SLC35F3: variants seen among roughly 807,000 people sequenced by gnomAD.
The protein encoded by SLC35F3 is putative thiamine transporter SLC35F3.
A neutral mutation model predicts 49.9 loss-of-function variants in SLC35F3; 25 were observed. That is an observed-to-expected ratio of 0.50 (90% CI 0.37 to 0.70). The LOEUF (loss-of-function observed/expected upper bound fraction) is 0.70. SLC35F3 is among the 30% of genes least tolerant of loss of function. The probability of loss-of-function intolerance (pLI) is 0.00; values close to 1 mark genes in which losing one functional copy is unlikely to be tolerated. For synonymous variants in SLC35F3, 275 were observed against 265.4 expected (o/e 1.04, Z -0.35); for missense variants, 525 against 639.8 (o/e 0.82, Z 1.94).
At chr1:233,966,697 A>G (rs1349910215) in intron 2 of SLC35F3, among the ~76,000 whole-genome samples, 3 of 152,264 alleles carry the variant, frequency 2.0e-5, no homozygotes, top group African/African-American at 7.2e-5. Flanking sequence ...GAACTCATTC[A>G]TTTAAAGAAC....
Position 234,196,404 on chromosome 1 carries a change from G to A in SLC35F3, c.284-35013G>A, listed in dbSNP as rs565538866. ...GAGCAGTACCTCTGCTGCTGCTGCT[G>A]CTGTACACTCTGCCACTAAAATAAA... is the stretch of plus-strand genomic sequence containing the variant. On this transcript the variant is annotated intron_variant, in intron 2 of 7. Transcript: ENST00000366618. 2.6e-5 allele frequency among the ~76,000 whole-genome samples: 4 copies of A among 152,342 alleles called. No homozygotes were observed. The South Asian group carries it at 8.3e-4, about 32-fold the overall frequency.
intron 2 of SLC35F3, among the ~76,000 whole-genome samples, chr1:234,155,416 T>G (rs9435577): frequency 8.5e-6 from 1 of 117,360 alleles, no homozygotes; most frequent in African/African-American, 3.7e-5. Flanking sequence ...TTATTATTAT[T>G]ATTATTTTTG....
At chr1:233,908,536 C>CTTTTT (rs898041195) in intron 2 of SLC35F3, among the ~76,000 whole-genome samples, 74 of 84,888 alleles carry the variant, frequency 8.7e-4, no homozygotes, top group Non-Finnish European at 1.3e-3. Context: ...GTAAAGGATT[C>CTTTTT]TTTTTTTTTT....
At chr1:233,917,068 G>C (rs1477656210) in intron 2 of SLC35F3, among the ~76,000 whole-genome samples, 1 of 152,158 alleles carries the variant, frequency 6.6e-6, no homozygotes, top group Non-Finnish European at 1.5e-5. Context: ...TGGTATGGTT[G>C]TTATTTCCTA....
At chr1:234,135,042 C>T (rs1169224183) in intron 2 of SLC35F3, among the ~76,000 whole-genome samples, 2 of 152,160 alleles carry the variant, frequency 1.3e-5, no homozygotes, top group Non-Finnish European at 2.9e-5. Flanking sequence ...TTCTAATTTG[C>T]ATCCCAGGCA....
At chr1:234,044,915 G>C (rs1368401226) in intron 2 of SLC35F3, among the ~76,000 whole-genome samples, 2 of 152,132 alleles carry the variant, frequency 1.3e-5, no homozygotes, top group African/African-American at 4.8e-5. Flanking sequence ...GTCTCTGGAG[G>C]CCAACCGGTT....
intron 2 of SLC35F3, among the ~76,000 whole-genome samples, chr1:234,008,617 G>A (rs1159130356): frequency 6.6e-6 from 1 of 152,182 alleles, no homozygotes; most frequent in East Asian, 1.9e-4. Context: ...TGCTACCCTT[G>A]TTCAGGCTTA....
rs534645203 is a variant in SLC35F3, at chr1:234,275,003, A to G, written c.609-34098A>G. Among the ~76,000 whole-genome samples, 12 of 152,240 alleles carry G rather than the reference A, an allele frequency of 7.9e-5. No individual in the cohort carries two copies. The South Asian group carries it at 2.5e-3, about 32-fold the overall frequency. The stretch of plus-strand genomic sequence containing the variant: ...CCCACCCACTCCTATTCTATTCCAG[A>G]CCCTCACCACCTTGTGACATATATT... On this transcript the variant is annotated intron_variant, in intron 3 of 7. Transcript: ENST00000366618.
At chr1:234,128,120 C>T (rs1190521047) in intron 2 of SLC35F3, among the ~76,000 whole-genome samples, 2 of 151,996 alleles carry the variant, frequency 1.3e-5, no homozygotes, top group East Asian at 1.9e-4. Context: ...GGCATTAAGA[C>T]CATAAGGAAG....
At chr1:233,965,311 C>A (rs1662885977) in intron 2 of SLC35F3, among the ~76,000 whole-genome samples, 1 of 152,064 alleles carries the variant, frequency 6.6e-6, no homozygotes, top group African/African-American at 2.4e-5. Flanking sequence ...AAATAGCTAC[C>A]CCAGGCTTAC....
At chr1:234,218,267 A>G (rs1470106232) in intron 2 of SLC35F3, among the ~76,000 whole-genome samples, 1 of 152,184 alleles carries the variant, frequency 6.6e-6, no homozygotes, top group Non-Finnish European at 1.5e-5. Flanking sequence ...GGGATTAATC[A>G]TTGAGAACAG....
chr1:234,083,116 T>C (rs1375804962), intron 2 of SLC35F3, among the ~76,000 whole-genome samples: 2 of 152,220 alleles, frequency 1.3e-5, no homozygotes, highest in African/African-American at 4.8e-5. Flanking sequence ...TCTTTCTTAA[T>C]TCTAGGCAAA....
At chr1:234,283,087 A>G (rs1247446534) in intron 3 of SLC35F3, among the ~76,000 whole-genome samples, 1 of 152,216 alleles carries the variant, frequency 6.6e-6, no homozygotes, top group African/African-American at 2.4e-5. Context: ...TTGAGTGAGC[A>G]CATGAGTAGC....
intron 2 of SLC35F3, among the ~76,000 whole-genome samples, chr1:234,127,531 G>A (rs1286293919): frequency 2.0e-5 from 3 of 152,160 alleles, no homozygotes; most frequent in Non-Finnish European, 4.4e-5. Context: ...AAATAATGCT[G>A]TCATTCGATG....
intron 2 of SLC35F3, among the ~76,000 whole-genome samples, chr1:234,153,429 C>T (rs754152076): frequency 1.1e-4 from 16 of 152,062 alleles, no homozygotes; most frequent in Admixed American, 3.3e-4. Flanking sequence ...GGCAACATAG[C>T]GAGACTCTCA....
rs1467674767 is a variant in SLC35F3, at chr1:233,905,747, C to A, written c.272C>A (p.Ala91Glu). Residue 91 changes from alanine to glutamate, a missense_variant, in exon 2 of 8, where the codon GCG becomes GAG. Coordinates refer to ENST00000366618, the MANE Select transcript of SLC35F3 (RefSeq NM_173508.4). Reference protein sequence around the residue: ...TGYYGYQPWAASCKREERPRD... With the variant: ...TGYYGYQPWAESCKREERPRD... The stretch of plus-strand genomic sequence containing the variant: ...TACTATGGCTACCAGCCCTGGGCAG[C>A]GAGCTGCAAAAGTAAGACCCCCTCA... The A allele has an allele frequency of 6.2e-7, 1 of 1,610,682 alleles. No individual in the cohort carries two copies. Among genetic ancestry groups the A allele is most frequent in the African/African-American group, 1.3e-5 (1 of 74,972 alleles).
chr1:234,290,310 A>G (rs1010641735), intron 3 of SLC35F3, among the ~76,000 whole-genome samples: 1 of 152,246 alleles, frequency 6.6e-6, no homozygotes. Flanking sequence ...AAGAATAATC[A>G]CAAGAAAAAA....
At chr1:233,920,960 G>A (rs1004988263) in intron 2 of SLC35F3, among the ~76,000 whole-genome samples, 20 of 152,210 alleles carry the variant, frequency 1.3e-4, no homozygotes, top group Non-Finnish European at 2.9e-5. Flanking sequence ...CTTTCTTGAT[G>A]TCAGCTTTGT....
intron 2 of SLC35F3, among the ~76,000 whole-genome samples, chr1:234,225,463 G>A (rs896022666): frequency 2.6e-5 from 4 of 152,170 alleles, no homozygotes; most frequent in African/African-American, 9.7e-5. Flanking sequence ...AAAAGGGGCA[G>A]GAGTTGAGGG....
Sources: gnomAD v4.1 joint callset for allele counts (sites outside exome capture counted in the v4.1 genomes callset) on GRCh38, gnomAD v4.1.1 for gene constraint, MANE v1.5 for transcripts, NCBI Gene and HGNC (gene_info 2026-07-23, HGNC 2026-07-21) for gene names.